The following SNX27 variants were observed in gnomAD, a reference collection of about 807,000 sequenced individuals.
SNX27 encodes sorting nexin 27.
A neutral mutation model predicts 71.6 loss-of-function variants in SNX27; 22 were observed. That is an observed-to-expected ratio of 0.31 (90% confidence interval 0.22 to 0.44). The LOEUF is 0.44. Ranked by LOEUF, SNX27 falls within the 20% of genes least tolerant of loss-of-function variation. SNX27 has a pLI of 1.00. For missense variants in SNX27, 531 were observed against 698.6 expected (o/e 0.76, Z 2.70); for synonymous variants, 269 against 277.2 (o/e 0.97, Z 0.29).
Position 151,689,391 on chromosome 1 carries a change from G to C in SNX27, c.1240-3044G>C, listed in dbSNP as rs142010821. ...CAATGTCTTTTATTTCCAGATGGCAGAAGAGAAGACCCCAGGTAGAATAAC... is the reference window on the plus strand; with the variant it reads ...CAATGTCTTTTATTTCCAGATGGCACAAGAGAAGACCCCAGGTAGAATAAC... On this transcript the variant is annotated intron_variant, in intron 8 of 11. Coordinates refer to ENST00000458013, the MANE Select transcript of SNX27 (RefSeq NM_001330723.2). Among the ~76,000 whole-genome samples the C allele has an allele frequency of 1.8e-3, 269 of 152,336 alleles. 1 individual carries two copies. Among genetic ancestry groups the C allele is most frequent in the African/African-American group, 6.3e-3 (260 of 41,584 alleles).
At chr1:151,693,800 C>G in intron 11 of SNX27, 1 of 1,451,820 alleles carries the variant, frequency 6.9e-7, no homozygotes, top group East Asian at 2.5e-5. Flanking sequence ...CCATGTTGTT[C>G]CTGACCCACA....
intron 1 of SNX27, among the ~76,000 whole-genome samples, chr1:151,624,929 C>T (rs1667850279): frequency 6.6e-6 from 1 of 152,090 alleles, no homozygotes; most frequent in African/African-American, 2.4e-5. Context: ...ACTCTTGTTA[C>T]TTCTGGCTGG....
intron 1 of SNX27, among the ~76,000 whole-genome samples, chr1:151,619,296 A>T (rs570898060): frequency 2.0e-5 from 3 of 152,226 alleles, no homozygotes; most frequent in Non-Finnish European, 4.4e-5. Context: ...AGCCATGATC[A>T]CATCACTGAC....
In SNX27 at chr1:151,612,428, C is replaced by G. The variant is rs1667218251; in HGVS notation, c.227C>G (p.Ala76Gly). 6.7e-7 allele frequency: 1 copy of G among 1,485,664 alleles called. No homozygotes were observed. The highest frequency in any genetic ancestry group is 8.9e-7 in the Non-Finnish European group (1 of 1,119,010). 92.0% of individuals were successfully genotyped at this position (1,485,664 alleles called of 1,614,324 possible). ...CGGAGCATCAACGGGGAGCTGTACGCGCCGCTGCAGCATGTGAGCGCCGTG... is the reference window on the plus strand; with the variant it reads ...CGGAGCATCAACGGGGAGCTGTACGGGCCGCTGCAGCATGTGAGCGCCGTG... Reference protein sequence around the residue: ...QLRSINGELYAPLQHVSAVLP... With the variant: ...QLRSINGELYGPLQHVSAVLP... The change falls in exon 1 of 12, where the codon GCG becomes GGG. Residue 76 changes from alanine to glycine, a missense_variant. By Grantham distance (60) the Ala-to-Gly change is moderately conservative. This residue lies in a region of SNX27 where 130 missense variants were observed against 143.5 expected (regional missense o/e 0.91). Transcript: ENST00000458013. The surrounding 1 kb of genome is among the most constrained non-coding windows in gnomAD (Gnocchi z 5.2).
intron 3 of SNX27, 111 bp downstream of exon 3, chr1:151,658,538 G>C (rs1282583908): frequency 1.9e-6 from 2 of 1,070,248 alleles, no homozygotes; most frequent in Non-Finnish European, 2.7e-6. Flanking sequence ...TGTAAGTCAG[G>C]TTTCTGACTA....
intron 7 of SNX27, chr1:151,676,270 ATTTTTTTTTTTTTTT>A (rs752951557): frequency 7.1e-5 from 4 of 56,528 alleles, no homozygotes; most frequent in Non-Finnish European, 1.4e-4. Context: ...AGTGCTATTA[ATTTTTTTTTTTTTTT>A]TTTTTTTTTT....
chr1:151,676,319 T>G (rs1215992593), intron 7 of SNX27: 2 of 81,956 alleles, frequency 2.4e-5, no homozygotes, highest in African/African-American at 1.0e-4. Context: ...TTTTTTTTTT[T>G]TTTTGAGACA....
intron 2 of SNX27, 53 bp downstream of exon 2, chr1:151,639,172 C>A: frequency 6.7e-7 from 1 of 1,488,416 alleles, no homozygotes; most frequent in Admixed American, 1.8e-5. Flanking sequence ...TTCCCCTAGT[C>A]TTATAATTAT....
intron 11 of SNX27, chr1:151,694,051 A>G: frequency 8.1e-7 from 1 of 1,240,228 alleles, no homozygotes; most frequent in Non-Finnish European, 1.0e-6. Context: ...TTAGTACAGT[A>G]GAAAGAACAT....
At position 151,692,543 on chromosome 1, in the gene SNX27, C is replaced by T. The variant is rs747607305; in HGVS notation, c.1348C>T (p.His450Tyr). The change falls in exon 9 of 12, where the codon CAC becomes TAC. Residue 450 changes from histidine to tyrosine, a missense_variant. This residue lies in a region of SNX27 where 157 missense variants were observed against 178.4 expected (regional missense o/e 0.88). Transcript: ENST00000458013. ...GHVITAISIT[H>Y]FKLHACTEEG... ...CGTTATCACAGCCATCAGCATCACG[C>T]ACTTTAAACTGCATGCCTGCACTGA... 5.0e-6 allele frequency: 8 copies of T among 1,613,162 alleles called. No individual in the cohort carries two copies. Among genetic ancestry groups the T allele is most frequent in the Admixed American group, 3.3e-5 (2 of 59,904 alleles).
In SNX27 at chr1:151,665,715, A is replaced by G. The variant is rs188401024; in HGVS notation, c.907-218A>G. ...AGAGATAATAGCTGTTGGGGCAGATACAGGTGTTTTTTCCCTTTTCTTTCA... is the reference window on the plus strand; with the variant it reads ...AGAGATAATAGCTGTTGGGGCAGATGCAGGTGTTTTTTCCCTTTTCTTTCA... On this transcript the variant is annotated intron_variant, in intron 5 of 11. Coordinates refer to ENST00000458013, the MANE Select transcript of SNX27 (RefSeq NM_001330723.2). Among the ~76,000 whole-genome samples, 115 of 152,340 alleles carry G rather than the reference A, an allele frequency of 7.5e-4. 2 individuals are homozygous for G. The East Asian group carries it at 0.015, about 19-fold the overall frequency.
intron 2 of SNX27, among the ~76,000 whole-genome samples, chr1:151,653,467 C>G (rs1436352922): frequency 6.6e-6 from 1 of 152,084 alleles, no homozygotes; most frequent in African/African-American, 2.4e-5. Flanking sequence ...CAATGGGTTG[C>G]TATTACCTTG....
intron 5 of SNX27, among the ~76,000 whole-genome samples, chr1:151,663,350 C>T (rs1272386173): frequency 1.3e-5 from 2 of 152,050 alleles, no homozygotes; most frequent in Non-Finnish European, 2.9e-5. Context: ...TGGGGTTTCA[C>T]TGTGTTAGCC....
chr1:151,612,557 C>G lies in SNX27; in HGVS notation c.311+45C>G. ...GCCGCCCCATCCTCCCCGCGCCCCT[C>G]CTGCCCCTGCACTCCTCGCTACCCT... is the stretch of plus-strand genomic sequence containing the variant. On this transcript the variant is annotated intron_variant, in intron 1 of 11. Transcript: ENST00000458013. The surrounding 1 kb of genome is among the most constrained non-coding windows in gnomAD (Gnocchi z 5.2). 7.8e-7 allele frequency: 1 copy of G among 1,286,260 alleles called. No individual in the cohort carries two copies. Among genetic ancestry groups the G allele is most frequent in the South Asian group, 1.9e-5 (1 of 52,422 alleles). The allele number at this position is 1,286,260 out of a possible 1,614,324, so 79.7% of individuals were successfully genotyped here.
At chr1:151,654,831 C>T (rs1669600671) in intron 2 of SNX27, among the ~76,000 whole-genome samples, 1 of 152,152 alleles carries the variant, frequency 6.6e-6, no homozygotes, top group Non-Finnish European at 1.5e-5. Flanking sequence ...TGACATTAAT[C>T]ACGAGAGTTT....
intron 8 of SNX27, among the ~76,000 whole-genome samples, chr1:151,685,050 C>G (rs1358127376): frequency 6.6e-6 from 1 of 152,010 alleles, no homozygotes; most frequent in Non-Finnish European, 1.5e-5. Flanking sequence ...CTTGAGTGAA[C>G]CGCTTGCCTC....
chr1:151,632,964 C>T (rs776476082), intron 1 of SNX27, among the ~76,000 whole-genome samples: 9 of 151,944 alleles, frequency 5.9e-5, no homozygotes, highest in East Asian at 1.9e-4. Context: ...CTCCACCTCC[C>T]GGGTTCACGC....
At chr1:151,680,598 T>C (rs892477264) in intron 7 of SNX27, 1 of 152,232 alleles carries the variant, frequency 6.6e-6, no homozygotes, top group Non-Finnish European at 1.5e-5. Flanking sequence ...AGTACTGTTG[T>C]GAGTCAGACA....
intron 5 of SNX27, chr1:151,662,498 T>C (rs1183996397): frequency 1.1e-5 from 3 of 277,208 alleles, no homozygotes; most frequent in East Asian, 8.1e-5. Flanking sequence ...TCCTTTTTTT[T>C]TGGAGATGGA....
Sources: allele counts gnomAD v4.1 joint callset (sites outside exome capture counted in the v4.1 genomes callset), GRCh38; gene constraint gnomAD v4.1.1; regional missense constraint gnomAD v4.1.1; non-coding constraint Gnocchi (gnomAD v3.1); transcripts MANE v1.5; gene names NCBI Gene and HGNC (gene_info 2026-07-23, HGNC 2026-07-21).